Variants in PODXL observed in about 807,000 individuals in gnomAD.
PODXL encodes the protein podocalyxin.
In PODXL, 20 loss-of-function variants were observed where a neutral mutation model predicts 48.9. The ratio of observed to expected loss-of-function variants is 0.41; its 90% CI spans 0.29 to 0.59. PODXL has a LOEUF of 0.59. Among genes scored for constraint, PODXL ranks in the 20% least tolerant of loss-of-function variants. The pLI, the probability that PODXL is intolerant of heterozygous loss-of-function variation, is 0.31. For synonymous variants in PODXL, 295 were observed against 287.4 expected (o/e 1.03, Z -0.27); for missense variants, 606 against 675.1 (o/e 0.90, Z 1.13).
chr7:131,553,972 A>G (rs115264502), intron 1 of PODXL, among the ~76,000 whole-genome samples: 26 of 152,346 alleles, frequency 1.7e-4, no homozygotes, highest in African/African-American at 6.0e-4. Flanking sequence ...TCTTTGCTGT[A>G]GGCTGCATAA....
chr7:131,547,374 C>A (rs1458640008), intron 1 of PODXL, among the ~76,000 whole-genome samples: 35 of 68,954 alleles, frequency 5.1e-4, no homozygotes, highest in East Asian at 1.9e-3. Context: ...AACTCCGTCT[C>A]AAAAAAAAAA....
chr7:131,506,190 A>C (rs1455087292), intron 7 of PODXL, 70 bp downstream of exon 7: 10 of 1,537,412 alleles, frequency 6.5e-6, no homozygotes, highest in Admixed American at 3.3e-5. Context: ...CCACAGAGAG[A>C]GGGGAGTAAC....
intron 1 of PODXL, among the ~76,000 whole-genome samples, chr7:131,527,610 C>T (rs1417546049): frequency 2.6e-5 from 4 of 152,176 alleles, no homozygotes; most frequent in South Asian, 2.1e-4. Flanking sequence ...AAGCCTGACT[C>T]GGGCAGACTG....
intron 1 of PODXL, among the ~76,000 whole-genome samples, chr7:131,524,505 A>G (rs982717842): frequency 2.6e-5 from 4 of 152,304 alleles, no homozygotes; most frequent in African/African-American, 7.2e-5. Context: ...ATGGCAAATA[A>G]GCATATGAAA....
In PODXL at chr7:131,501,110, A is replaced by G. The variant is rs1362768964; in HGVS notation, c.*3201T>C. ...CAGGGTTGCATTTTAAAATTAAAAA[A>G]ACAAAACAAAACACCTGATCTACAA... On this transcript the variant is annotated 3_prime_UTR_variant, in exon 9 of 9. Transcript: ENST00000378555. The G allele has an allele frequency of 6.6e-6, 1 of 152,522 alleles. No individual in the cohort carries two copies. Among genetic ancestry groups the G allele is most frequent in the Non-Finnish European group, 1.5e-5 (1 of 68,014 alleles). 9.4% of individuals were successfully genotyped at this position (152,522 alleles called of 1,614,324 possible).
intron 1 of PODXL, among the ~76,000 whole-genome samples, chr7:131,549,154 C>T (rs1798629932): frequency 6.6e-6 from 1 of 151,862 alleles, no homozygotes; most frequent in South Asian, 2.1e-4. Context: ...AAAGAGTGTG[C>T]TGGGGGGGAG....
chr7:131,546,665 G>T (rs983033675), intron 1 of PODXL, among the ~76,000 whole-genome samples: 1 of 143,628 alleles, frequency 7.0e-6, no homozygotes, highest in Non-Finnish European at 1.5e-5. Flanking sequence ...GGCGGAGGTT[G>T]CAGTGAGTCG....
In PODXL at chr7:131,501,339, T is replaced by TA. The variant is rs1332507653; in HGVS notation, c.*2971dup. ...GGTAGGTTAACATGGTCACTGTATTTACATTATCAAAAAAATATGTGTATA... is the reference window on the plus strand; with the variant it reads ...GGTAGGTTAACATGGTCACTGTATTTAACATTATCAAAAAAATATGTGTATA... On this transcript the variant is annotated 3_prime_UTR_variant, in exon 9 of 9. Transcript: ENST00000378555. The TA allele has an allele frequency of 6.6e-6, 1 of 152,624 alleles. No homozygotes were observed. Among genetic ancestry groups the TA allele is most frequent in the African/African-American group, 2.4e-5 (1 of 41,446 alleles). 9.5% of individuals were successfully genotyped at this position (152,624 alleles called of 1,614,324 possible).
At chr7:131,553,228 T>C (rs1798694178) in intron 1 of PODXL, among the ~76,000 whole-genome samples, 1 of 152,180 alleles carries the variant, frequency 6.6e-6, no homozygotes, top group Admixed American at 6.5e-5. Flanking sequence ...TCAGCCACAT[T>C]AGGAAACACT....
At chr7:131,517,986 T>C (rs1317940793) in intron 1 of PODXL, among the ~76,000 whole-genome samples, 1 of 152,148 alleles carries the variant, frequency 6.6e-6, no homozygotes, top group Non-Finnish European at 1.5e-5. Context: ...CGATCCACCC[T>C]GCTCAGCCTC....
chr7:131,525,614 CA>C (rs944082529), intron 1 of PODXL, among the ~76,000 whole-genome samples: 1 of 149,828 alleles, frequency 6.7e-6, no homozygotes, highest in East Asian at 2.0e-4. Flanking sequence ...AAAAAAAACA[CA>C]AAAAAAGTAT....
At chr7:131,525,516 G>A (rs538284962) in intron 1 of PODXL, among the ~76,000 whole-genome samples, 45 of 150,074 alleles carry the variant, frequency 3.0e-4, no homozygotes, top group Admixed American at 2.3e-3. Context: ...AGGCAGGACC[G>A]CTTGAACTGG....
Position 131,522,166 on chromosome 7 carries a change from AG to A in PODXL, c.101-10734del, listed in dbSNP as rs755990389. The stretch of plus-strand genomic sequence containing the variant: ...AGTGTGAAGTAAAAAATAACAGTGG[AG>A]CAGCAGGGCGCAGTGGCTCACGCCT... On this transcript the variant is annotated intron_variant, in intron 1 of 8. Coordinates refer to ENST00000378555, the MANE Select transcript of PODXL (RefSeq NM_001018111.3). Among the ~76,000 whole-genome samples the A allele has an allele frequency of 1.4e-3, 217 of 152,276 alleles. 2 individuals are homozygous for A. The highest frequency in any genetic ancestry group is 2.0e-3 in the Non-Finnish European group (136 of 68,004).
chr7:131,528,763 T>C (rs1798227253), intron 1 of PODXL, among the ~76,000 whole-genome samples: 1 of 152,190 alleles, frequency 6.6e-6, no homozygotes, highest in Non-Finnish European at 1.5e-5. Context: ...GGGGTTTTGC[T>C]AGGTATGACA....
Position 131,509,456 on chromosome 7 carries a change from G to A in PODXL, c.932C>T (p.Pro311Leu). The A allele has an allele frequency of 3.7e-6, 6 of 1,614,100 alleles. No individual in the cohort carries two copies. Among genetic ancestry groups the A allele is most frequent in the Middle Eastern group, 1.6e-4 (1 of 6,062 alleles). The change falls in exon 4 of 9, where the codon CCA becomes CTA. Residue 311 changes from proline to leucine, a missense_variant. By Grantham distance (98) the Pro-to-Leu change is moderately conservative (BLOSUM62 -3). Coordinates refer to ENST00000378555, the MANE Select transcript of PODXL (RefSeq NM_001018111.3). The part of the protein sequence containing the change: ...PATALRTPTL[P>L]ETMSSSPTAA... ...TGTGGGGCTGGAGCTCATGGTCTCTGGCAGGGTAGGTGTTCTCAATGCCGT... is the reference window on the plus strand; with the variant it reads ...TGTGGGGCTGGAGCTCATGGTCTCTAGCAGGGTAGGTGTTCTCAATGCCGT...
intron 1 of PODXL, among the ~76,000 whole-genome samples, chr7:131,540,758 G>A (rs1798463735): frequency 6.6e-6 from 1 of 152,166 alleles, no homozygotes; most frequent in Admixed American, 6.5e-5. Flanking sequence ...GTTTCTCAGT[G>A]GCCTCTGGAA....
At chr7:131,508,892 C>G (rs889465382) in intron 5 of PODXL, 59 bp downstream of exon 5, 56 of 1,165,848 alleles carry the variant, frequency 4.8e-5, no homozygotes, top group Non-Finnish European at 9.1e-6. Context: ...CATTCCCTCT[C>G]CCTCCCTCAG....
At chr7:131,524,208 A>T (rs1297958452) in intron 1 of PODXL, among the ~76,000 whole-genome samples, 4 of 152,162 alleles carry the variant, frequency 2.6e-5, no homozygotes, top group Non-Finnish European at 4.4e-5. Context: ...TGACGTCTCC[A>T]AATAAACCTA....
intron 1 of PODXL, among the ~76,000 whole-genome samples, chr7:131,528,868 A>G (rs999824236): frequency 6.6e-6 from 1 of 152,168 alleles, no homozygotes; most frequent in Non-Finnish European, 1.5e-5. Flanking sequence ...GACAGAAATA[A>G]GGCCAGGTAG....
Sources: gnomAD v4.1 joint callset for allele counts (sites outside exome capture counted in the v4.1 genomes callset) on GRCh38, gnomAD v4.1.1 for gene constraint, MANE v1.5 for transcripts, NCBI Gene and HGNC (gene_info 2026-07-23, HGNC 2026-07-21) for gene names.